The following SBSPON variants were observed in gnomAD, a reference collection of about 807,000 sequenced individuals.
SBSPON encodes somatomedin-B and thrombospondin type-1 domain-containing protein.
Under a neutral mutation model 35.8 loss-of-function variants are expected in SBSPON, and 30 were observed. That is an observed-to-expected ratio of 0.84 (90% CI 0.63 to 1.14). The LOEUF is 1.14. Ranked by LOEUF, SBSPON falls within the 50% of genes most tolerant of loss-of-function variation. The probability of loss-of-function intolerance (pLI) is 0.00; values close to 1 mark genes in which losing one functional copy is unlikely to be tolerated. For missense variants in SBSPON, 364 were observed against 357.7 expected (o/e 1.02, Z -0.14); for synonymous variants, 136 against 135.9 (o/e 1.00, Z 0.00).
In SBSPON at chr8:73,067,398, T is replaced by G. The variant is rs1371518587; in HGVS notation, c.738A>C (p.Lys246Asn). The change falls in exon 5 of 5, where the codon AAA becomes AAC. Residue 246 changes from lysine to asparagine, a missense_variant. Coordinates refer to ENST00000297354, the MANE Select transcript of SBSPON (RefSeq NM_153225.4). ...GNPRCQGTWK[K>N]VRRVDQCSCP... ...AAGAACACTGGTCTACTCGCCGAACTTTTTTCCAAGTTCCTTGACACCGAG... is the reference window on the plus strand; with the variant it reads ...AAGAACACTGGTCTACTCGCCGAACGTTTTTCCAAGTTCCTTGACACCGAG... 1 of 1,610,994 alleles carries G rather than the reference T, an allele frequency of 6.2e-7. No individual in the cohort carries two copies. The highest frequency in any genetic ancestry group is 8.5e-7 in the Non-Finnish European group (1 of 1,177,894).
At chr8:73,080,342 G>A (rs776620293) in intron 2 of SBSPON, among the ~76,000 whole-genome samples, 1 of 151,896 alleles carries the variant, frequency 6.6e-6, no homozygotes, top group African/African-American at 2.4e-5. Flanking sequence ...GTGAAACCCC[G>A]TCTCTACTAA....
rs550405386 is a variant in SBSPON, at chr8:73,065,364, A to G, written c.*1977T>C. 6.6e-6 allele frequency: 1 copy of G among 152,086 alleles called. No homozygotes were observed. The highest frequency in any genetic ancestry group is 2.4e-5 in the African/African-American group (1 of 41,522). The allele number at this position is 152,086 out of a possible 1,614,324, so 9.4% of individuals were successfully genotyped here. On this transcript the variant is annotated 3_prime_UTR_variant, in exon 5 of 5. Coordinates refer to ENST00000297354, the MANE Select transcript of SBSPON (RefSeq NM_153225.4). ...CAGTTCTGAAGGATTTTTTTGTTTT[A>G]TTTTTGGTGAAATTTTATCATTCTC...
chr8:73,073,505 TA>T, intron 2 of SBSPON, among the ~76,000 whole-genome samples: 1 of 152,262 alleles, frequency 6.6e-6, no homozygotes, highest in East Asian at 1.9e-4. Flanking sequence ...TTTGTATTAC[TA>T]GGGAATTTAA....
chr8:73,082,807 G>GA (rs2130025682), intron 1 of SBSPON, among the ~76,000 whole-genome samples: 1 of 152,308 alleles, frequency 6.6e-6, no homozygotes, highest in South Asian at 2.1e-4. Context: ...AGCTGATTGA[G>GA]AAGGACTCCT....
At chr8:73,068,186 A>C (rs1196350829) in intron 4 of SBSPON, among the ~76,000 whole-genome samples, 1 of 152,208 alleles carries the variant, frequency 6.6e-6, no homozygotes, top group East Asian at 1.9e-4. Flanking sequence ...CCAGGGTTTA[A>C]ATACTATATG....
intron 1 of SBSPON, among the ~76,000 whole-genome samples, chr8:73,086,486 T>C (rs988046671): frequency 7.9e-5 from 12 of 152,228 alleles, no homozygotes; most frequent in African/African-American, 2.2e-4. Flanking sequence ...TTTTTCTCCA[T>C]GTGTATTCCT....
At chr8:73,090,588 T>G (rs1810913059) in intron 1 of SBSPON, among the ~76,000 whole-genome samples, 1 of 152,188 alleles carries the variant, frequency 6.6e-6, no homozygotes. Flanking sequence ...GTGGCCACCT[T>G]CCAATTGTCT....
intron 1 of SBSPON, among the ~76,000 whole-genome samples, chr8:73,092,532 C>T (rs567032903): frequency 1.7e-4 from 26 of 152,288 alleles, no homozygotes; most frequent in African/African-American, 6.0e-4. Flanking sequence ...AGAGGTGGCC[C>T]TATCCAGCTG....
chr8:73,086,936 G>A (rs370830659), intron 1 of SBSPON, among the ~76,000 whole-genome samples: 14 of 152,310 alleles, frequency 9.2e-5, no homozygotes, highest in South Asian at 4.1e-4. Flanking sequence ...CCTGGATGGC[G>A]GTGCCGTCTG....
rs1317336931 is a variant in SBSPON, at chr8:73,066,477, A to C, written c.*864T>G. ...ACACACCATCCACCCCAAACATTAG[A>C]AAATGCATGCGGTAGGAAAAAAATA... On this transcript the variant is annotated 3_prime_UTR_variant, in exon 5 of 5. Coordinates refer to ENST00000297354, the MANE Select transcript of SBSPON (RefSeq NM_153225.4). 1 of 152,218 alleles carries C rather than the reference A, an allele frequency of 6.6e-6. No individual in the cohort carries two copies. The highest frequency in any genetic ancestry group is 6.5e-5 in the Admixed American group (1 of 15,286). The allele number at this position is 152,218 out of a possible 1,614,324, so 9.4% of individuals were successfully genotyped here. A position where few individuals can be genotyped will look rare whatever the true frequency, so the allele number is the denominator to read the frequency against.
At chr8:73,092,736 G>A in intron 1 of SBSPON, 118 bp downstream of exon 1, 2 of 733,234 alleles carry the variant, frequency 2.7e-6, no homozygotes, top group Non-Finnish European at 2.3e-6. Flanking sequence ...GATGGGTGGG[G>A]ATAAAGGGTC....
chr8:73,087,687 A>G (rs1352017843), intron 1 of SBSPON, among the ~76,000 whole-genome samples: 1 of 152,204 alleles, frequency 6.6e-6, no homozygotes, highest in Non-Finnish European at 1.5e-5. Flanking sequence ...TGATGTCATC[A>G]GACTTTGGCT....
intron 1 of SBSPON, among the ~76,000 whole-genome samples, chr8:73,090,777 T>TC (rs1384203622): frequency 6.6e-6 from 1 of 152,014 alleles, no homozygotes; most frequent in African/African-American, 2.4e-5. Flanking sequence ...CATCTCCTTT[T>TC]CCCCCACTCA....
intron 2 of SBSPON, among the ~76,000 whole-genome samples, chr8:73,080,387 C>A (rs937552437): frequency 6.6e-6 from 1 of 151,766 alleles, no homozygotes; most frequent in African/African-American, 2.4e-5. Flanking sequence ...TGGTGGCAGG[C>A]GCCTGTAGTC....
rs149632815 is a variant in SBSPON at position 73,089,683 on chromosome 8, T to A, written c.214+3171A>T. ...TTAACGAATACAAATTATAGCAATA[T>A]GTTGTCAGAAAATTATGATGTAAAT... is the stretch of plus-strand genomic sequence containing the variant. On this transcript the variant is annotated intron_variant, in intron 1 of 4. Coordinates refer to ENST00000297354, the MANE Select transcript of SBSPON (RefSeq NM_153225.4). 4.1e-4 allele frequency among the ~76,000 whole-genome samples: 63 copies of A among 152,336 alleles called. 1 individual carries two copies. The East Asian group carries it at 0.012, about 28-fold the overall frequency.
At chr8:73,075,062 T>A (rs1810566546) in intron 2 of SBSPON, among the ~76,000 whole-genome samples, 1 of 152,224 alleles carries the variant, frequency 6.6e-6, no homozygotes, top group African/African-American at 2.4e-5. Context: ...CTGTTTGTGG[T>A]AGAGATGGGG....
At chr8:73,070,713 A>G (rs1357719942) in intron 3 of SBSPON, among the ~76,000 whole-genome samples, 1 of 152,214 alleles carries the variant, frequency 6.6e-6, no homozygotes, top group Non-Finnish European at 1.5e-5. Context: ...AATATTTTAG[A>G]AATTTGTACT....
At chr8:73,080,517 A>AAAT (rs949943762) in intron 2 of SBSPON, among the ~76,000 whole-genome samples, 4 of 152,122 alleles carry the variant, frequency 2.6e-5, no homozygotes, top group East Asian at 1.9e-4. Context: ...TCTGTCTCAA[A>AAAT]AATAATAATA....
chr8:73,081,356 C>T (rs1810701425), intron 1 of SBSPON, 143 bp from the exon 2 acceptor site: 1 of 593,836 alleles, frequency 1.7e-6, no homozygotes, highest in Admixed American at 3.8e-5. Context: ...CACACAAAGC[C>T]TCAGCAGGTC....
Sources: allele counts gnomAD v4.1 joint callset (sites outside exome capture counted in the v4.1 genomes callset), GRCh38; gene constraint gnomAD v4.1.1; transcripts MANE v1.5; gene names NCBI Gene and HGNC (gene_info 2026-07-23, HGNC 2026-07-21).